KLHL1: variants seen among roughly 807,000 people sequenced by gnomAD.
KLHL1 encodes the protein kelch like family member 1, also known as kelch-like protein 1.
A neutral mutation model predicts 77.7 loss-of-function variants in KLHL1; 47 were observed. The observed-to-expected ratio is 0.60, with a 90% CI of 0.48 to 0.77. The LOEUF is 0.77. KLHL1 is among the 30% of genes least tolerant of loss of function. KLHL1 has a pLI of 0.00. For synonymous variants in KLHL1, 360 were observed against 325.2 expected (o/e 1.11, Z -1.15); for missense variants, 925 against 910.8 (o/e 1.02, Z -0.20).
At chr13:70,029,775 G>A (rs1270188766) in intron 1 of KLHL1, among the ~76,000 whole-genome samples, 1 of 152,100 alleles carries the variant, frequency 6.6e-6, no homozygotes, top group Non-Finnish European at 1.5e-5. Context: ...AATGTAAATG[G>A]GCTAAATGCT....
chr13:70,026,153 A>G (rs1465733576), intron 1 of KLHL1, among the ~76,000 whole-genome samples: 4 of 152,166 alleles, frequency 2.6e-5, no homozygotes, highest in African/African-American at 9.7e-5. Flanking sequence ...TAAATAAATA[A>G]TCTAGGTAAA....
chr13:69,837,533 A>G (rs1172216354), intron 6 of KLHL1, among the ~76,000 whole-genome samples: 1 of 149,748 alleles, frequency 6.7e-6, no homozygotes, highest in Non-Finnish European at 1.5e-5. Context: ...GAAATTGAAT[A>G]CAATCATAAA....
chr13:69,722,221 C>T (rs940896713), intron 8 of KLHL1, among the ~76,000 whole-genome samples: 6 of 151,770 alleles, frequency 4.0e-5, no homozygotes, highest in Non-Finnish European at 5.9e-5. Context: ...AAACATTACT[C>T]TGATAAATTA....
intron 1 of KLHL1, among the ~76,000 whole-genome samples, chr13:70,061,094 G>A (rs1175075868): frequency 6.6e-6 from 1 of 152,044 alleles, no homozygotes; most frequent in Non-Finnish European, 1.5e-5. Context: ...CACTGGGGGA[G>A]GGAGAAGTGA....
intron 4 of KLHL1, among the ~76,000 whole-genome samples, chr13:69,900,838 C>T (rs1881828990): frequency 6.6e-6 from 1 of 152,194 alleles, no homozygotes; most frequent in South Asian, 2.1e-4. Flanking sequence ...ACTACCAGCT[C>T]CATTTTCTTG....
intron 7 of KLHL1, among the ~76,000 whole-genome samples, chr13:69,780,131 A>AAATACT (rs1195717588): frequency 6.6e-6 from 1 of 152,130 alleles, no homozygotes; most frequent in East Asian, 1.9e-4. Context: ...TATCAATCAG[A>AAATACT]TATCCATAAG....
intron 1 of KLHL1, among the ~76,000 whole-genome samples, chr13:69,991,542 A>G (rs1885028875): frequency 6.6e-6 from 1 of 152,072 alleles, no homozygotes; most frequent in Non-Finnish European, 1.5e-5. Flanking sequence ...AGAGACTGCT[A>G]TGAACATCTC....
chr13:70,096,040 A>G lies in KLHL1; in HGVS notation c.497+11163T>C, dbSNP rs569671363. Among the ~76,000 whole-genome samples, 32 of 151,830 alleles carry G rather than the reference A, an allele frequency of 2.1e-4. No homozygotes were observed. The South Asian group carries it at 3.3e-3, about 16-fold the overall frequency. On this transcript the variant is annotated intron_variant, in intron 1 of 10. Transcript: ENST00000377844. Reference sequence around the variant, plus strand: ...TAACATGATTTCATTCGTTTTTATAACCAAATAATGCTTTATTGCATATAT... The same window carrying G: ...TAACATGATTTCATTCGTTTTTATAGCCAAATAATGCTTTATTGCATATAT...
chr13:69,986,378 T>C (rs1884870065), intron 1 of KLHL1, among the ~76,000 whole-genome samples: 1 of 152,070 alleles, frequency 6.6e-6, no homozygotes, highest in Admixed American at 6.6e-5. Context: ...GTGATGGATA[T>C]GTTAATTGTC....
chr13:70,104,671 G>A (rs1167621378), intron 1 of KLHL1, among the ~76,000 whole-genome samples: 1 of 152,044 alleles, frequency 6.6e-6, no homozygotes, highest in African/African-American at 2.4e-5. Flanking sequence ...TATTAAATAT[G>A]ACATCATTGT....
At chr13:69,901,885 C>T (rs1455404451) in intron 4 of KLHL1, among the ~76,000 whole-genome samples, 1 of 150,812 alleles carries the variant, frequency 6.6e-6, no homozygotes, top group African/African-American at 2.4e-5. Flanking sequence ...GCAACCTCTG[C>T]CTCACGGGTT....
At chr13:70,024,622 C>CTT (rs1566508801) in intron 1 of KLHL1, among the ~76,000 whole-genome samples, 2 of 38,136 alleles carry the variant, frequency 5.2e-5, no homozygotes, top group East Asian at 1.7e-3. Flanking sequence ...GAAAAGATTT[C>CTT]TCTCTCTCTC....
chr13:69,985,831 C>A (rs919396157), intron 1 of KLHL1, among the ~76,000 whole-genome samples: 16 of 140,882 alleles, frequency 1.1e-4, no homozygotes, highest in African/African-American at 4.0e-4. Flanking sequence ...ATATATATAT[C>A]TTATGTGTGT....
chr13:69,840,743 A>G (rs1353318022), intron 5 of KLHL1, among the ~76,000 whole-genome samples: 1 of 141,272 alleles, frequency 7.1e-6, no homozygotes, highest in East Asian at 2.0e-4. Flanking sequence ...TGTATAGAAG[A>G]TCTCCAATGG....
rs112990340 is a variant in KLHL1, at chr13:69,814,030, C to A, written c.1415-17068G>T. Among the ~76,000 whole-genome samples, 140 of 152,132 alleles carry A rather than the reference C, an allele frequency of 9.2e-4. 2 individuals are homozygous for A. The highest frequency in any genetic ancestry group is 3.3e-3 in the African/African-American group (136 of 41,504). ...GGCTACAGTAACCAAAACAGCATGG[C>A]ACTAGTAAAATATAAACACACAGAC... On this transcript the variant is annotated intron_variant, in intron 6 of 10. Coordinates refer to ENST00000377844, the MANE Select transcript of KLHL1 (RefSeq NM_020866.3).
intron 8 of KLHL1, among the ~76,000 whole-genome samples, chr13:69,732,164 T>G (rs929178422): frequency 1.3e-5 from 2 of 152,136 alleles, no homozygotes; most frequent in Admixed American, 1.3e-4. Context: ...TGGCATTGAT[T>G]GAATTCATGT....
At chr13:69,797,353 C>T (rs908489161) in intron 6 of KLHL1, among the ~76,000 whole-genome samples, 5 of 152,058 alleles carry the variant, frequency 3.3e-5, no homozygotes, top group African/African-American at 7.2e-5. Flanking sequence ...AATAATTAAG[C>T]TATGCATGTT....
At chr13:69,968,313 A>G (rs1884278207) in intron 2 of KLHL1, among the ~76,000 whole-genome samples, 1 of 99,944 alleles carries the variant, frequency 1.0e-5, no homozygotes, top group Non-Finnish European at 2.4e-5. Context: ...GACCTATGGT[A>G]TCATGTAAAT....
At chr13:70,054,813 T>C (rs1296966780) in intron 1 of KLHL1, among the ~76,000 whole-genome samples, 2 of 8,438 alleles carry the variant, frequency 2.4e-4, no homozygotes, top group Admixed American at 1.9e-3. Flanking sequence ...AACAGTAAAA[T>C]TGATCAAGCA....
Sources: allele counts gnomAD v4.1 joint callset (sites outside exome capture counted in the v4.1 genomes callset), GRCh38; gene constraint gnomAD v4.1.1; transcripts MANE v1.5; gene names NCBI Gene and HGNC (gene_info 2026-07-23, HGNC 2026-07-21).